TMEM132C: variants seen among roughly 807,000 people sequenced by gnomAD.
The protein encoded by TMEM132C is transmembrane protein 132C.
TMEM132C carries 29 observed loss-of-function variants against 61.4 expected under a neutral mutation model. The ratio of observed to expected loss-of-function variants is 0.47; its 90% CI spans 0.35 to 0.64. The LOEUF is 0.64. Ranked by LOEUF, TMEM132C falls within the 30% of genes least tolerant of loss-of-function variation. The probability of loss-of-function intolerance (pLI) is 0.00; values close to 1 mark genes in which losing one functional copy is unlikely to be tolerated. For synonymous variants in TMEM132C, 656 were observed against 633.1 expected (o/e 1.04, Z -0.54); for missense variants, 1,408 against 1,476.9 (o/e 0.95, Z 0.76).
intron 2 of TMEM132C, among the ~76,000 whole-genome samples, chr12:128,444,515 C>A (rs560633357): frequency 1.3e-5 from 2 of 152,166 alleles, no homozygotes; most frequent in Non-Finnish European, 2.9e-5. Flanking sequence ...GTGAATTAAG[C>A]GCATTTTCAG....
At chr12:128,511,194 G>T (rs1872552545) in intron 2 of TMEM132C, among the ~76,000 whole-genome samples, 1 of 152,212 alleles carries the variant, frequency 6.6e-6, no homozygotes, top group Non-Finnish European at 1.5e-5. Context: ...TCTGTCTGGA[G>T]TACACCTCTG....
intron 1 of TMEM132C, among the ~76,000 whole-genome samples, chr12:128,305,095 T>C (rs1423766922): frequency 4.0e-5 from 6 of 151,774 alleles, no homozygotes; most frequent in Non-Finnish European, 5.9e-5. Flanking sequence ...CGTTGCGTAT[T>C]AGGCTGGGCG....
intron 1 of TMEM132C, among the ~76,000 whole-genome samples, chr12:128,268,950 G>A (rs1303233697): frequency 8.7e-6 from 1 of 114,430 alleles, no homozygotes; most frequent in Non-Finnish European, 1.8e-5. Context: ...GGGGGAAAGG[G>A]GGTGAGAGAC....
At chr12:128,534,848 G>A (rs1039330783) in intron 2 of TMEM132C, among the ~76,000 whole-genome samples, 1 of 152,208 alleles carries the variant, frequency 6.6e-6, no homozygotes, top group Non-Finnish European at 1.5e-5. Context: ...CCCATCCAGA[G>A]GTGACACCAG....
Position 128,528,116 on chromosome 12 carries a change from G to C in TMEM132C, c.975-15841G>C, listed in dbSNP as rs147174236. Among the ~76,000 whole-genome samples, 193 of 152,294 alleles carry C rather than the reference G, an allele frequency of 1.3e-3. 1 individual carries two copies. Among genetic ancestry groups the C allele is most frequent in the African/African-American group, 4.4e-3 (183 of 41,572 alleles). ...TGGACATACTCACAAACATAGCAGA[G>C]CGCTGACTTCAGGGCTACATCCCCA... On this transcript the variant is annotated intron_variant, in intron 2 of 8. Transcript: ENST00000435159.
At chr12:128,615,842 T>C (rs1876783429) in intron 3 of TMEM132C, among the ~76,000 whole-genome samples, 1 of 152,218 alleles carries the variant, frequency 6.6e-6, no homozygotes, top group Non-Finnish European at 1.5e-5. Flanking sequence ...ACTGCAGGTG[T>C]GAGATAAACT....
intron 1 of TMEM132C, among the ~76,000 whole-genome samples, chr12:128,308,480 T>G (rs1291949902): frequency 1.3e-5 from 2 of 152,168 alleles, no homozygotes; most frequent in East Asian, 3.8e-4. Context: ...CAGGGACCAG[T>G]GCACAGCAGA....
At chr12:128,298,419 C>T (rs529228634) in intron 1 of TMEM132C, among the ~76,000 whole-genome samples, 10 of 150,928 alleles carry the variant, frequency 6.6e-5, no homozygotes, top group Admixed American at 2.0e-4. Flanking sequence ...TTTGTTTTAA[C>T]TTTTTTTTTT....
At chr12:128,448,740 T>C (rs1006159089) in intron 2 of TMEM132C, among the ~76,000 whole-genome samples, 2 of 152,184 alleles carry the variant, frequency 1.3e-5, no homozygotes, top group Admixed American at 1.3e-4. Flanking sequence ...TCTTTTATAA[T>C]CTACCATAAG....
At chr12:128,388,636 C>T (rs1203838999) in intron 1 of TMEM132C, among the ~76,000 whole-genome samples, 3 of 152,228 alleles carry the variant, frequency 2.0e-5, no homozygotes, top group Non-Finnish European at 4.4e-5. Context: ...GCATGTGTTC[C>T]GGGTGAGAGA....
In TMEM132C at chr12:128,473,357, C is replaced by G. The variant is rs796129909; in HGVS notation, c.974+57737C>G. ...AGTCCAGCCTCCTTCTTCATCTTCACTCCAGCCTCTATCTTCATCTTCACT... is the reference window on the plus strand; with the variant it reads ...AGTCCAGCCTCCTTCTTCATCTTCAGTCCAGCCTCTATCTTCATCTTCACT... On this transcript the variant is annotated intron_variant, in intron 2 of 8. Coordinates refer to ENST00000435159, the MANE Select transcript of TMEM132C (RefSeq NM_001136103.3). 3.4e-4 allele frequency among the ~76,000 whole-genome samples: 44 copies of G among 128,444 alleles called. 1 individual carries two copies. The highest frequency in any genetic ancestry group is 8.2e-3 in the Middle Eastern group (2 of 244). The allele number at this position is 128,444 out of a possible 152,430, so 84.3% of individuals were successfully genotyped here.
chr12:128,699,316 GC>G (rs1218149003), intron 8 of TMEM132C, among the ~76,000 whole-genome samples: 21 of 152,326 alleles, frequency 1.4e-4, no homozygotes, highest in Admixed American at 1.1e-3. Flanking sequence ...CTGGGTTCAT[GC>G]CCAGAGTATC....
At chr12:128,684,913 A>T (rs1296702636) in intron 5 of TMEM132C, among the ~76,000 whole-genome samples, 1 of 152,208 alleles carries the variant, frequency 6.6e-6, no homozygotes, top group Non-Finnish European at 1.5e-5. Flanking sequence ...ACTGCAAGGG[A>T]AGGGCACATT....
At chr12:128,680,524 C>T (rs1954626755) in intron 5 of TMEM132C, among the ~76,000 whole-genome samples, 1 of 152,222 alleles carries the variant, frequency 6.6e-6, no homozygotes, top group Non-Finnish European at 1.5e-5. Context: ...ATGAAAATTT[C>T]AGCTCCTCAG....
chr12:128,687,717 A>C (rs1954688349), intron 5 of TMEM132C, among the ~76,000 whole-genome samples: 3 of 152,114 alleles, frequency 2.0e-5, no homozygotes, highest in African/African-American at 7.2e-5. Flanking sequence ...TCATTTAAGG[A>C]TTTTTCCAGA....
chr12:128,598,745 A>G (rs1876059933), intron 3 of TMEM132C, among the ~76,000 whole-genome samples: 1 of 150,070 alleles, frequency 6.7e-6, no homozygotes, highest in South Asian at 2.1e-4. Flanking sequence ...AGTTGCCCCA[A>G]TTTTAGGGAT....
chr12:128,474,918 C>T (rs1417102723), intron 2 of TMEM132C, among the ~76,000 whole-genome samples: 2 of 152,112 alleles, frequency 1.3e-5, no homozygotes, highest in Non-Finnish European at 2.9e-5. Context: ...CTGTATGTGA[C>T]CAGTTATCAG....
intron 1 of TMEM132C, among the ~76,000 whole-genome samples, chr12:128,411,443 A>T (rs1026430676): frequency 6.6e-6 from 1 of 152,184 alleles, no homozygotes; most frequent in Non-Finnish European, 1.5e-5. Context: ...TTCTTATTTC[A>T]TTTAATGGCT....
chr12:128,357,119 G>T (rs1873530961), intron 1 of TMEM132C, among the ~76,000 whole-genome samples: 1 of 152,140 alleles, frequency 6.6e-6, no homozygotes, highest in Admixed American at 6.5e-5. Flanking sequence ...AGCAGGTCGG[G>T]AGCCCACGTG....
Sources: allele counts gnomAD v4.1 joint callset (sites outside exome capture counted in the v4.1 genomes callset), GRCh38; gene constraint gnomAD v4.1.1; transcripts MANE v1.5; gene names NCBI Gene and HGNC (gene_info 2026-07-23, HGNC 2026-07-21).